Variants in TCIRG1 observed in about 807,000 individuals in gnomAD.
TCIRG1 encodes the protein V-type proton ATPase 116 kDa subunit a 3.
A neutral mutation model predicts 95.5 loss-of-function variants in TCIRG1; 86 were observed. That is an observed-to-expected ratio of 0.90 (90% CI 0.76 to 1.08). TCIRG1 has a LOEUF of 1.08. Among genes scored for constraint, TCIRG1 ranks in the 50% least tolerant of loss-of-function variants. The probability of loss-of-function intolerance (pLI) is 0.00; values close to 1 mark genes in which losing one functional copy is unlikely to be tolerated. For missense variants in TCIRG1, 1,069 were observed against 1,140.2 expected, an observed-to-expected ratio of 0.94 and a Z score of 0.90; for synonymous variants, 499 against 501.3, an observed-to-expected ratio of 1.00 and a Z score of 0.06.
rs763065648 is a variant in TCIRG1, at chr11:68,049,760, G to T, written c.1985G>T (p.Arg662Leu). 6.3e-7 allele frequency: 1 copy of T among 1,575,906 alleles called. No individual in the cohort carries two copies. Among genetic ancestry groups the T allele is most frequent in the Non-Finnish European group, 8.6e-7 (1 of 1,167,640 alleles). Residue 662 changes from arginine to leucine, a missense_variant, in exon 16 of 20, where the codon CGC becomes CTC. Arg to Leu is a moderately radical substitution (Grantham distance 102). Coordinates refer to ENST00000265686, the MANE Select transcript of TCIRG1 (RefSeq NM_006019.4). Reference sequence around the variant, plus strand: ...CACCTGCTGCACCGCCACCGCCGCCGCCTGCGGAGGAGGCCCGCTGACCGA... The same window carrying T: ...CACCTGCTGCACCGCCACCGCCGCCTCCTGCGGAGGAGGCCCGCTGACCGA... Reference protein sequence around the residue: ...PLHLLHRHRRRLRRRPADRQE... With the variant: ...PLHLLHRHRRLLRRRPADRQE...
At chr11:68,047,332 G>C in intron 10 of TCIRG1, 101 bp from the exon 11 acceptor site, 1 of 1,364,956 alleles carries the variant, frequency 7.3e-7, no homozygotes, top group Middle Eastern at 2.2e-4. Context: ...CTAAGTGATG[G>C]GTTCTTGACT....
In TCIRG1 at chr11:68,043,858, G is replaced by A. The variant is rs755617128; in HGVS notation, c.758G>A (p.Arg253His). Residue 253 changes from arginine to histidine, a missense_variant, in exon 8 of 20, where the codon CGC (arginine) becomes CAC (histidine). By Grantham distance (29) the Arg-to-His change is conservative (BLOSUM62 0). Transcript: ENST00000265686. ...VFPFLQQEEARLGALQQLQQQ... is the reference protein window; with the variant it reads ...VFPFLQQEEAHLGALQQLQQQ... Reference sequence around the variant, plus strand: ...CCGTTTCTGCAGCAGGAGGAGGCCCGCCTCGGGGCCCTGCAGCAGCTGCAA... The same window carrying A: ...CCGTTTCTGCAGCAGGAGGAGGCCCACCTCGGGGCCCTGCAGCAGCTGCAA... 7.6e-6 allele frequency: 12 copies of A among 1,569,440 alleles called. No homozygotes were observed. Among genetic ancestry groups the A allele is most frequent in the Non-Finnish European group, 1.0e-5 (12 of 1,158,324 alleles).
intron 9 of TCIRG1, chr11:68,044,718 T>C: frequency 1.6e-6 from 1 of 611,600 alleles, no homozygotes; most frequent in Non-Finnish European, 2.9e-6. Context: ...GGGCTCCTTC[T>C]CCTGGGCCGT....
Position 68,039,676 on chromosome 11 carries a change from A to AC in TCIRG1, c.-5+560dup, listed in dbSNP as rs5792431. On this transcript the variant is annotated intron_variant, in intron 1 of 19. Coordinates refer to ENST00000265686, the MANE Select transcript of TCIRG1 (RefSeq NM_006019.4). Reference sequence around the variant, plus strand: ...TTTACACCATAAAAGTGGCTGGGTGACCCTGGCTAGAGCGGGGACCAAGGG... The same window carrying AC: ...TTTACACCATAAAAGTGGCTGGGTGACCCCTGGCTAGAGCGGGGACCAAGGG... 152,292 of 152,300 alleles carry AC rather than the reference A, an allele frequency of 1. 76,142 individuals are homozygous for AC. The highest frequency in any genetic ancestry group is 1 in the Middle Eastern group (294 of 294). 9.4% of individuals were successfully genotyped at this position (152,300 alleles called of 1,614,324 possible).
chr11:68,047,685 G>A lies in TCIRG1; in HGVS notation c.1344G>A (p.Leu448=). 1 of 1,612,426 alleles carries A rather than the reference G, an allele frequency of 6.2e-7. No homozygotes were observed. Among genetic ancestry groups the A allele is most frequent in the African/African-American group, 1.3e-5 (1 of 74,672 alleles). Reference sequence around the variant, plus strand: ...TCTTCAGGGGCCGCTACCTGCTCCTGCTTATGGGCCTGTTCTCCATCTACA... The same window carrying A: ...TCTTCAGGGGCCGCTACCTGCTCCTACTTATGGGCCTGTTCTCCATCTACA... ...QTFFRGRYLL[L]LMGLFSIYTG... The change falls in exon 12 of 20, where the codon CTG becomes CTA. Residue 448 remains leucine (L), a synonymous_variant. Transcript: ENST00000265686.
chr11:68,050,693 CT>C lies in TCIRG1; in HGVS notation c.2414+30del, dbSNP rs564257481. ...AGCGACCACCCACTGGCCTGGGCTGCTCAAGGCGTGAGTTCCCCTCACCAAC... is the reference window on the plus strand; with the variant it reads ...AGCGACCACCCACTGGCCTGGGCTGCCAAGGCGTGAGTTCCCCTCACCAAC... On this transcript the variant is annotated intron_variant, in intron 19 of 19. Transcript: ENST00000265686. 2.6e-4 allele frequency: 422 copies of C among 1,613,738 alleles called. 2 individuals carry two copies. The South Asian group carries it at 4.4e-3, about 17-fold the overall frequency.
At position 68,048,886 on chromosome 11, in the gene TCIRG1, G is replaced by T; in HGVS notation, c.1562G>T (p.Ser521Ile). Residue 521 changes from serine (S) to isoleucine (I), a missense_variant, in exon 14 of 20, where the codon AGC becomes ATC. Coordinates refer to ENST00000265686, the MANE Select transcript of TCIRG1 (RefSeq NM_006019.4). ...CCCCTGCTGCCACCCTAGATTTGGA[G>T]CCTGGCTGCCAACCACTTGAGCTTC... is the stretch of plus-strand genomic sequence containing the variant. The part of the protein sequence containing the change: ...PYPFGIDPIW[S>I]LAANHLSFLN... 2 of 1,610,868 alleles carry T rather than the reference G, an allele frequency of 1.2e-6. No individual in the cohort carries two copies.
rs774863206 is a variant in TCIRG1, at chr11:68,047,740, C to T, written c.1399C>T (p.Arg467Cys). ...CTTCATCTACAACGAGTGCTTCAGT[C>T]GCGCCACCAGCATCTTCCCCTCGGG... is the stretch of plus-strand genomic sequence containing the variant. Reference protein sequence around the residue: ...TGFIYNECFSRATSIFPSGWS... With the variant: ...TGFIYNECFSCATSIFPSGWS... Residue 467 changes from arginine (R) to cysteine (C), a missense_variant, in exon 12 of 20, where the codon CGC (arginine) becomes TGC (cysteine). By Grantham distance (180) the Arg-to-Cys change is radical. Transcript: ENST00000265686. 7.4e-6 allele frequency: 12 copies of T among 1,613,136 alleles called. No homozygotes were observed. Among genetic ancestry groups the T allele is most frequent in the African/African-American group, 5.3e-5 (4 of 74,936 alleles).
downstream of TCIRG1, chr11:68,053,744 G>T (rs1855889011): frequency 6.9e-6 from 3 of 436,444 alleles, no homozygotes; most frequent in African/African-American, 4.0e-5. Flanking sequence ...ATTCAGAGAT[G>T]TTGCACTATT....
chr11:68,044,962 AGGAG>A lies in TCIRG1; in HGVS notation c.1030_1033del (p.Gly344Ter). 6.2e-7 allele frequency: 1 copy of A among 1,607,740 alleles called. No individual in the cohort carries two copies. Among genetic ancestry groups the A allele is most frequent in the South Asian group, 1.1e-5 (1 of 91,088 alleles). ...TGTCTCTGCCCTGGCACCCAGATGG[AGGAG>A]GGAGTGAGTGCCGTGGCTCACCGCA... On this transcript the variant is annotated frameshift_variant, in exon 10 of 20. Coordinates refer to ENST00000265686, the MANE Select transcript of TCIRG1 (RefSeq NM_006019.4). LOFTEE classifies it high-confidence loss of function.
rs796793526 is a variant in TCIRG1, at chr11:68,041,129, G to A, written c.-4-139G>A. On this transcript the variant is annotated intron_variant, in intron 1 of 19. Coordinates refer to ENST00000265686, the MANE Select transcript of TCIRG1 (RefSeq NM_006019.4). ...CTCAGCACCGCATCAAGCCTGCCCA[G>A]GCCTCAGTTTCCACCTCTGTCAGAT... is the stretch of plus-strand genomic sequence containing the variant. The A allele has an allele frequency of 3.9e-5, 28 of 724,084 alleles. No homozygotes were observed. The African/African-American group carries it at 4.3e-4, about 11-fold the overall frequency. 44.9% of individuals were successfully genotyped at this position (724,084 alleles called of 1,614,324 possible). A position where few individuals can be genotyped will look rare whatever the true frequency, so the allele number is the denominator to read the frequency against.
chr11:68,047,208 A>G (rs12576942), intron 10 of TCIRG1, among the ~76,000 whole-genome samples: 1 of 123,444 alleles, frequency 8.1e-6, no homozygotes, highest in East Asian at 2.4e-4. Flanking sequence ...GCAGGGTTTC[A>G]CCGTGTGGGC....
intron 13 of TCIRG1, 68 bp downstream of exon 13, chr11:68,048,040 G>T: frequency 7.2e-7 from 1 of 1,386,012 alleles, no homozygotes; most frequent in Non-Finnish European, 1.0e-6. Context: ...GGCTCCCCTC[G>T]GTTCAGCCGT....
intron 15 of TCIRG1, 34 bp downstream of exon 15, chr11:68,049,328 G>A (rs752854146): frequency 2.9e-5 from 45 of 1,578,388 alleles, no homozygotes; most frequent in South Asian, 1.5e-4. Flanking sequence ...GGGCTCACAC[G>A]GCCTCATGGG....
downstream of TCIRG1, chr11:68,052,441 G>C (rs1031221304): frequency 6.6e-6 from 1 of 152,280 alleles, no homozygotes; most frequent in African/African-American, 2.4e-5. Flanking sequence ...ACAGGAAGAC[G>C]GTGAGTGAGA....
At chr11:68,043,282 C>T (rs1855270647) in intron 5 of TCIRG1, 89 bp from the exon 6 acceptor site, 10 of 1,498,980 alleles carry the variant, frequency 6.7e-6, no homozygotes, top group Non-Finnish European at 8.0e-6. Flanking sequence ...GCCCGATTGC[C>T]CGTGCTGGGC....
At chr11:68,040,989 C>T (rs969387709) in intron 1 of TCIRG1, among the ~76,000 whole-genome samples, 11 of 152,146 alleles carry the variant, frequency 7.2e-5, no homozygotes, top group African/African-American at 1.9e-4. Context: ...CACTGGGAGA[C>T]GCTGGAGGTA....
At chr11:68,048,032 C>T in intron 13 of TCIRG1, 60 bp downstream of exon 13, 1 of 1,469,654 alleles carries the variant, frequency 6.8e-7, no homozygotes. Context: ...GGGGCTGGGG[C>T]TCCCCTCGGT....
Position 68,043,445 on chromosome 11 carries a change from T to A in TCIRG1, c.578T>A (p.Phe193Tyr), listed in dbSNP as rs1855281336. 1 of 1,550,922 alleles carries A rather than the reference T, an allele frequency of 6.4e-7. No individual in the cohort carries two copies. Among genetic ancestry groups the A allele is most frequent in the Non-Finnish European group, 8.7e-7 (1 of 1,148,140 alleles). ...ERLLWRACRG[F>Y]LIASFRELEQ... The stretch of plus-strand genomic sequence containing the variant: ...CTGCTCTGGAGGGCCTGCCGCGGCT[T>A]CCTCATTGCCAGCTTCAGGGAGCTG... Residue 193 changes from phenylalanine (F) to tyrosine (Y), a missense_variant, in exon 6 of 20, where the codon TTC becomes TAC. Physicochemically the swap from Phe to Tyr is conservative, Grantham distance 22. Coordinates refer to ENST00000265686, the MANE Select transcript of TCIRG1 (RefSeq NM_006019.4).
Sources: allele counts gnomAD v4.1 joint callset (sites outside exome capture counted in the v4.1 genomes callset), GRCh38; gene constraint gnomAD v4.1.1; transcripts MANE v1.5; gene names NCBI Gene and HGNC (gene_info 2026-07-23, HGNC 2026-07-21).